ABCA3: variants seen among roughly 807,000 people sequenced by gnomAD.
ABCA3 encodes the protein ATP binding cassette subfamily A member 3.
ABCA3 carries 88 observed loss-of-function variants against 172.8 expected under a neutral mutation model. That is an observed-to-expected ratio of 0.51 (90% CI 0.43 to 0.61). ABCA3 has a LOEUF of 0.61. Ranked by LOEUF, ABCA3 falls within the 20% of genes least tolerant of loss-of-function variation. The pLI is 0.00. For missense variants in ABCA3, 2,164 were observed against 2,301.0 expected (o/e 0.94, Z 1.22); for synonymous variants, 1,066 against 983.8 (o/e 1.08, Z -1.56).
In ABCA3 at chr16:2,286,814, G is replaced by A. The variant is rs577130240; in HGVS notation, c.3158C>T (p.Ala1053Val). Residue 1053 changes from alanine to valine, a missense_variant, in exon 22 of 33, where the codon GCC becomes GTC. Physicochemically the swap from Ala to Val is moderately conservative, Grantham distance 64. Coordinates refer to ENST00000301732, the MANE Select transcript of ABCA3 (RefSeq NM_001089.3). This position sits in a 1 kb window ranked among gnomAD's most constrained non-coding sequence, Gnocchi z 5.2. Reference protein sequence around the residue: ...NNQAYHSPATALAVVDNLLFK... With the variant: ...NNQAYHSPATVLAVVDNLLFK... ...CAGAAGGTTGTCCACGACGGCCAGGGCAGTGGCTGGAGAGTGGTACGCCTG... is the reference window on the plus strand; with the variant it reads ...CAGAAGGTTGTCCACGACGGCCAGGACAGTGGCTGGAGAGTGGTACGCCTG... 8.1e-6 allele frequency: 13 copies of A among 1,614,154 alleles called. No homozygotes were observed. The highest frequency in any genetic ancestry group is 1.3e-5 in the African/African-American group (1 of 75,054).
chr16:2,291,547 C>T (rs953617586), intron 19 of ABCA3, among the ~76,000 whole-genome samples: 10 of 152,198 alleles, frequency 6.6e-5, no homozygotes, highest in Non-Finnish European at 1.0e-4. Context: ...GAGCTGGGCA[C>T]GCCTCTGACG....
chr16:2,329,394 C>T (rs1300655817), intron 2 of ABCA3, among the ~76,000 whole-genome samples: 4 of 152,176 alleles, frequency 2.6e-5, no homozygotes, highest in Admixed American at 6.6e-5. Flanking sequence ...CGGGGAAGTA[C>T]ACTCCAGATG....
intron 3 of ABCA3, among the ~76,000 whole-genome samples, chr16:2,327,086 G>A (rs1270126926): frequency 1.3e-5 from 2 of 152,136 alleles, no homozygotes; most frequent in East Asian, 3.8e-4. Context: ...CTTTTTATGT[G>A]CACTGTGACT....
At position 2,285,659 on chromosome 16, in the gene ABCA3, G is replaced by A. The variant is rs1265769690; in HGVS notation, c.3279-13C>T. 12 of 1,551,458 alleles carry A rather than the reference G, an allele frequency of 7.7e-6. No individual in the cohort carries two copies. Among genetic ancestry groups the A allele is most frequent in the Non-Finnish European group, 1.0e-5 (12 of 1,147,036 alleles). ...TCCCTTCCGGCCCCTGCGGGGGACAGAGAAGGTCAGGGACGGAGCACAGCA... is the reference window on the plus strand; with the variant it reads ...TCCCTTCCGGCCCCTGCGGGGGACAAAGAAGGTCAGGGACGGAGCACAGCA... On this transcript the variant is annotated splice_polypyrimidine_tract_variant and intron_variant, in intron 22 of 32. Coordinates refer to ENST00000301732, the MANE Select transcript of ABCA3 (RefSeq NM_001089.3). This position sits in a 1 kb window ranked among gnomAD's most constrained non-coding sequence, Gnocchi z 4.7.
At chr16:2,334,886 T>G (rs1445896948) in intron 1 of ABCA3, among the ~76,000 whole-genome samples, 1 of 150,618 alleles carries the variant, frequency 6.6e-6, no homozygotes, top group Non-Finnish European at 1.5e-5. Flanking sequence ...TGGAGTGCAA[T>G]GGCGTGATCT....
chr16:2,284,516 C>T lies in ABCA3; in HGVS notation c.3704-79G>A. On this transcript the variant is annotated intron_variant, in intron 24 of 32. Transcript: ENST00000301732. This position sits in a 1 kb window ranked among gnomAD's most constrained non-coding sequence, Gnocchi z 5.9. Reference sequence around the variant, plus strand: ...CCAGGACGGGCCTGGTCAGGGCGGGCACAGGGCCTTATCCGTGCTGTGTGG... The same window carrying T: ...CCAGGACGGGCCTGGTCAGGGCGGGTACAGGGCCTTATCCGTGCTGTGTGG... 1 of 1,576,804 alleles carries T rather than the reference C, an allele frequency of 6.3e-7. No homozygotes were observed. Among genetic ancestry groups the T allele is most frequent in the Non-Finnish European group, 8.7e-7 (1 of 1,148,894 alleles).
At chr16:2,326,733 A>C (rs1402757238) in intron 3 of ABCA3, among the ~76,000 whole-genome samples, 2 of 152,064 alleles carry the variant, frequency 1.3e-5, no homozygotes, top group African/African-American at 4.8e-5. Flanking sequence ...CATGCCTGTA[A>C]TCTCAACACT....
At chr16:2,330,680 C>A (rs886699839) in intron 1 of ABCA3, among the ~76,000 whole-genome samples, 1 of 143,534 alleles carries the variant, frequency 7.0e-6, no homozygotes, top group African/African-American at 2.6e-5. Context: ...CCTCTCCTGG[C>A]TTCTGGCAAC....
At position 2,283,627 on chromosome 16, in the gene ABCA3, C is replaced by T. The variant is rs939032308; in HGVS notation, c.3863-269G>A. The T allele has an allele frequency of 9.6e-5, 46 of 478,082 alleles. No individual in the cohort carries two copies. Among genetic ancestry groups the T allele is most frequent in the East Asian group, 3.2e-4 (8 of 25,116 alleles). 29.6% of individuals were successfully genotyped at this position (478,082 alleles called of 1,614,324 possible). A position where few individuals can be genotyped will look rare whatever the true frequency, so the allele number is the denominator to read the frequency against. ...GCCCGCCTGAGAGGCACAGGCTCTGCGTGAATCCTGGGCTGCCTCCTGACC... is the reference window on the plus strand; with the variant it reads ...GCCCGCCTGAGAGGCACAGGCTCTGTGTGAATCCTGGGCTGCCTCCTGACC... On this transcript the variant is annotated intron_variant, in intron 25 of 32. Transcript: ENST00000301732. The surrounding 1 kb of genome is among the most constrained non-coding windows in gnomAD (Gnocchi z 5.4).
rs2093681849 is a variant in ABCA3 at position 2,297,550 on chromosome 16, A to T, written c.2053-11T>A. The T allele has an allele frequency of 6.2e-7, 1 of 1,611,538 alleles. No homozygotes were observed. Among genetic ancestry groups the T allele is most frequent in the Non-Finnish European group, 8.5e-7 (1 of 1,179,852 alleles). On this transcript the variant is annotated splice_polypyrimidine_tract_variant and intron_variant, in intron 16 of 32. Transcript: ENST00000301732. This position sits in a 1 kb window ranked among gnomAD's most constrained non-coding sequence, Gnocchi z 5.6. ...GTCCAGTATCAGCACCTGGAGGGAG[A>T]GACACAGTCTCGCGACGCTGGTAGA... is the stretch of plus-strand genomic sequence containing the variant.
At position 2,324,145 on chromosome 16, in the gene ABCA3, GA is replaced by G. The variant is rs889347678; in HGVS notation, c.447+258del. 1.5e-4 allele frequency among the ~76,000 whole-genome samples: 23 copies of G among 152,276 alleles called. 1 individual carries two copies. Among genetic ancestry groups the G allele is most frequent in the African/African-American group, 5.5e-4 (23 of 41,542 alleles). On this transcript the variant is annotated intron_variant, in intron 6 of 32. Transcript: ENST00000301732. ...CAGTAATATCTTTCATAAAATGAGG[GA>G]ACAGAAAGGAGCTTGGGGCGGCCAC...
chr16:2,288,432 G>T, intron 20 of ABCA3, 103 bp from the exon 21 acceptor site: 1 of 1,353,822 alleles, frequency 7.4e-7, no homozygotes, highest in Non-Finnish European at 1.0e-6. Context: ...CCAGCCTGGG[G>T]GCCTGCAGCT....
chr16:2,290,766 C>A (rs1228897912), intron 19 of ABCA3, among the ~76,000 whole-genome samples: 1 of 152,246 alleles, frequency 6.6e-6, no homozygotes, highest in Non-Finnish European at 1.5e-5. Flanking sequence ...GTCCCCTGCA[C>A]AGGTGTCCCC....
intron 3 of ABCA3, among the ~76,000 whole-genome samples, chr16:2,327,569 T>G (rs1488271590): frequency 6.6e-6 from 1 of 152,180 alleles, no homozygotes; most frequent in Non-Finnish European, 1.5e-5. Context: ...CCCATTGGCC[T>G]TGCTGCCCCG....
intron 10 of ABCA3, among the ~76,000 whole-genome samples, chr16:2,314,674 T>C (rs2093712041): frequency 6.6e-6 from 1 of 151,988 alleles, no homozygotes; most frequent in Non-Finnish European, 1.5e-5. Context: ...CCTCCTGGGT[T>C]CAAGCAATTC....
intron 1 of ABCA3, chr16:2,332,690 C>T: frequency 6.3e-7 from 1 of 1,584,134 alleles, no homozygotes; most frequent in Non-Finnish European, 8.6e-7. Context: ...CAGTGTGCCA[C>T]AGCTGTGGCT....
Position 2,319,584 on chromosome 16 carries a change from C to T in ABCA3, c.870G>A (p.Leu290=), listed in dbSNP as rs767582715. The T allele has an allele frequency of 1.2e-6, 2 of 1,611,430 alleles. No homozygotes were observed. The highest frequency in any genetic ancestry group is 1.7e-6 in the Non-Finnish European group (2 of 1,179,976). The change falls in exon 8 of 33, where the codon CTG becomes CTA. Residue 290 remains leucine, a synonymous_variant. Transcript: ENST00000301732. ...GGGAGCCAAAGCGGGCAGTCACCTT[C>T]AGCCTCCTTTCCTTCTCCTGCACGA... ...RAVVQEKERR[L]KEYMRMMGLS...
chr16:2,308,618 T>C lies in ABCA3; in HGVS notation c.1117A>G (p.Met373Val), dbSNP rs1358645356. The part of the protein sequence containing the change: ...MVSTFFSKAN[M>V]AAAFGGFLYF... Reference sequence around the variant, plus strand: ...AGGAAGCCTCCGAAGGCTGCTGCCATGTTGGCTGCAGGTGTTGGAAGACCC... The same window carrying C: ...AGGAAGCCTCCGAAGGCTGCTGCCACGTTGGCTGCAGGTGTTGGAAGACCC... The change falls in exon 11 of 33, where the codon ATG becomes GTG. Residue 373 changes from methionine to valine, a missense_variant. By Grantham distance (21) the Met-to-Val change is conservative. Coordinates refer to ENST00000301732, the MANE Select transcript of ABCA3 (RefSeq NM_001089.3). 3 of 1,613,826 alleles carry C rather than the reference T, an allele frequency of 1.9e-6. No homozygotes were observed. The highest frequency in any genetic ancestry group is 1.7e-6 in the Non-Finnish European group (2 of 1,179,894).
intron 18 of ABCA3, among the ~76,000 whole-genome samples, chr16:2,292,514 A>G (rs2093673613): frequency 6.6e-6 from 1 of 151,308 alleles, no homozygotes; most frequent in Non-Finnish European, 1.5e-5. Context: ...GCAGGAGAAC[A>G]CTTGAACCCA....
Sources: gnomAD v4.1 joint callset for allele counts (sites outside exome capture counted in the v4.1 genomes callset) on GRCh38, gnomAD v4.1.1 for gene constraint, Gnocchi (gnomAD v3.1) non-coding constraint, MANE v1.5 for transcripts, NCBI Gene and HGNC (gene_info 2026-07-23, HGNC 2026-07-21) for gene names.